CNTNAP5: variants seen among roughly 807,000 people sequenced by gnomAD.
CNTNAP5 encodes contactin associated protein family member 5.
In CNTNAP5, 72 loss-of-function variants were observed where a neutral mutation model predicts 150.2. That is an observed-to-expected ratio of 0.48 (90% CI 0.40 to 0.58). CNTNAP5 has a LOEUF of 0.58. CNTNAP5 is among the 20% of genes least tolerant of loss of function. The pLI, the probability that CNTNAP5 is intolerant of heterozygous loss-of-function variation, is 0.00. For missense variants in CNTNAP5, 1,636 were observed against 1,626.2 expected, an observed-to-expected ratio of 1.01 and a Z score of -0.10; for synonymous variants, 672 against 619.8, an observed-to-expected ratio of 1.08 and a Z score of -1.25.
chr2:124,233,822 G>T (rs1217049547), intron 2 of CNTNAP5, among the ~76,000 whole-genome samples: 1 of 150,720 alleles, frequency 6.6e-6, no homozygotes, highest in Non-Finnish European at 1.5e-5. Flanking sequence ...TCCATGGTAT[G>T]GTAGACACTA....
At chr2:124,234,492 C>T (rs1686699380) in intron 2 of CNTNAP5, among the ~76,000 whole-genome samples, 1 of 152,052 alleles carries the variant, frequency 6.6e-6, no homozygotes. Flanking sequence ...TATTCACTAC[C>T]ATATTGAACA....
At chr2:124,368,463 G>A (rs1377342406) in intron 3 of CNTNAP5, among the ~76,000 whole-genome samples, 1 of 152,082 alleles carries the variant, frequency 6.6e-6, no homozygotes, top group Non-Finnish European at 1.5e-5. Flanking sequence ...TATGACCCAG[G>A]AAGTTCATTT....
At chr2:124,863,985 C>A (rs1329269486) in intron 19 of CNTNAP5, among the ~76,000 whole-genome samples, 1 of 152,086 alleles carries the variant, frequency 6.6e-6, no homozygotes, top group African/African-American at 2.4e-5. Flanking sequence ...GAGCTCCTGC[C>A]ATTTTGTGTG....
intron 12 of CNTNAP5, among the ~76,000 whole-genome samples, chr2:124,614,192 A>G (rs1347599208): frequency 6.6e-6 from 1 of 152,166 alleles, no homozygotes; most frequent in African/African-American, 2.4e-5. Context: ...AGGGCTCTAT[A>G]ACAAACTACA....
intron 14 of CNTNAP5, among the ~76,000 whole-genome samples, chr2:124,747,831 G>A (rs1358720893): frequency 1.9e-5 from 2 of 104,850 alleles, no homozygotes; most frequent in African/African-American, 7.3e-5. Context: ...TGAGACAAGA[G>A]TTTCACCATG....
intron 19 of CNTNAP5, among the ~76,000 whole-genome samples, chr2:124,824,812 T>C (rs1260106260): frequency 1.3e-5 from 2 of 152,236 alleles, no homozygotes; most frequent in African/African-American, 4.8e-5. Context: ...CAGGACTAAT[T>C]CCTACAGGAC....
At chr2:124,642,516 A>G (rs193030923) in intron 12 of CNTNAP5, among the ~76,000 whole-genome samples, 16 of 152,320 alleles carry the variant, frequency 1.1e-4, no homozygotes, top group Middle Eastern at 3.4e-3. Context: ...TGAGGATGAA[A>G]GACCACTCTT....
intron 17 of CNTNAP5, among the ~76,000 whole-genome samples, chr2:124,786,348 A>AAGG (rs1558774939): frequency 1.7e-4 from 18 of 103,654 alleles, no homozygotes; most frequent in African/African-American, 5.7e-4. Flanking sequence ...AGAAAGAAAG[A>AAGG]AAGGAAGAAA....
chr2:124,248,505 C>T (rs554781084), intron 3 of CNTNAP5, among the ~76,000 whole-genome samples: 1 of 152,282 alleles, frequency 6.6e-6, no homozygotes, highest in East Asian at 1.9e-4. Context: ...GAAAAGGAAA[C>T]AGGGAAAAAC....
At chr2:124,352,436 G>C (rs1167054934) in intron 3 of CNTNAP5, among the ~76,000 whole-genome samples, 1 of 152,166 alleles carries the variant, frequency 6.6e-6, no homozygotes, top group East Asian at 1.9e-4. Context: ...TAAAGAAGGT[G>C]AGTGTTGGGC....
At chr2:124,363,159 A>C (rs1436351235) in intron 3 of CNTNAP5, among the ~76,000 whole-genome samples, 1 of 152,196 alleles carries the variant, frequency 6.6e-6, no homozygotes, top group African/African-American at 2.4e-5. Flanking sequence ...GTTAATTAGC[A>C]CATATCCAAC....
intron 1 of CNTNAP5, among the ~76,000 whole-genome samples, chr2:124,129,448 T>G (rs1683793906): frequency 6.6e-6 from 1 of 152,140 alleles, no homozygotes. Flanking sequence ...CCAGGCATCC[T>G]CATCCCCTTC....
At chr2:124,857,573 C>A (rs920221961) in intron 19 of CNTNAP5, among the ~76,000 whole-genome samples, 1 of 152,016 alleles carries the variant, frequency 6.6e-6, no homozygotes, top group Non-Finnish European at 1.5e-5. Flanking sequence ...TGCCTGTAAT[C>A]CCAGCACTTT....
rs1678150660 is a variant in CNTNAP5, at chr2:124,643,987, A to G, written c.1877-3771A>G. ...CTCCCACAGTTAGTGTTGTGCTGGC[A>G]CACAAACCCAGATTTGCTGACTCCA... On this transcript the variant is annotated intron_variant, in intron 12 of 23. Transcript: ENST00000682447. Among the ~76,000 whole-genome samples, 4 of 152,224 alleles carry G rather than the reference A, an allele frequency of 2.6e-5. No individual in the cohort carries two copies. In the South Asian group the frequency reaches 6.2e-4, roughly 24 times the overall value.
At chr2:124,352,314 C>A (rs916309942) in intron 3 of CNTNAP5, among the ~76,000 whole-genome samples, 2 of 152,182 alleles carry the variant, frequency 1.3e-5, no homozygotes, top group African/African-American at 4.8e-5. Context: ...TCCAGTTCCA[C>A]CTTACCTGTC....
intron 19 of CNTNAP5, among the ~76,000 whole-genome samples, chr2:124,861,949 G>A (rs939645073): frequency 2.0e-5 from 3 of 152,100 alleles, no homozygotes; most frequent in Non-Finnish European, 4.4e-5. Flanking sequence ...GAGTAGCTGG[G>A]ATTACAGGCA....
chr2:124,756,246 T>C (rs750314529), intron 14 of CNTNAP5, among the ~76,000 whole-genome samples: 3 of 152,158 alleles, frequency 2.0e-5, no homozygotes, highest in Non-Finnish European at 4.4e-5. Context: ...AGAATGGCTA[T>C]TAAAAAGCCA....
intron 1 of CNTNAP5, among the ~76,000 whole-genome samples, chr2:124,106,362 G>C (rs948641947): frequency 5.3e-5 from 8 of 152,184 alleles, no homozygotes; most frequent in African/African-American, 1.9e-4. Flanking sequence ...CTGGGCACCA[G>C]CAAGTCCTAG....
At chr2:124,861,412 A>T (rs558284081) in intron 19 of CNTNAP5, among the ~76,000 whole-genome samples, 37 of 151,976 alleles carry the variant, frequency 2.4e-4, no homozygotes, top group South Asian at 2.3e-3. Flanking sequence ...AAGTCTACTA[A>T]AAATACAAAA....
Sources: gnomAD v4.1 joint callset for allele counts (sites outside exome capture counted in the v4.1 genomes callset) on GRCh38, gnomAD v4.1.1 for gene constraint, MANE v1.5 for transcripts, NCBI Gene and HGNC (gene_info 2026-07-23, HGNC 2026-07-21) for gene names.